TMEM108: variants seen among roughly 807,000 people sequenced by gnomAD.
TMEM108 encodes the protein transmembrane protein 108, also known as cancer/testis antigen 124.
Under a neutral mutation model 35.1 loss-of-function variants are expected in TMEM108, and 12 were observed. That is an observed-to-expected ratio of 0.34 (90% CI 0.22 to 0.55). The LOEUF is 0.55. Among genes scored for constraint, TMEM108 ranks in the 20% least tolerant of loss-of-function variants. The pLI is 0.89. For missense variants in TMEM108, 680 were observed against 753.3 expected (o/e 0.90, Z 1.14); for synonymous variants, 287 against 308.6 (o/e 0.93, Z 0.73).
chr3:133,076,442 C>A (rs184508900), intron 2 of TMEM108, among the ~76,000 whole-genome samples: 52 of 152,158 alleles, frequency 3.4e-4, no homozygotes, highest in Admixed American at 3.1e-3. Context: ...AAGCCCAAGT[C>A]GCTTACTGCT....
chr3:133,358,855 A>T (rs574817099), intron 3 of TMEM108, among the ~76,000 whole-genome samples: 1 of 152,216 alleles, frequency 6.6e-6, no homozygotes, highest in Non-Finnish European at 1.5e-5. Flanking sequence ...GTGGAGAAGG[A>T]TATGGGAGCA....
At chr3:133,203,756 C>CT (rs1304993585) in intron 2 of TMEM108, among the ~76,000 whole-genome samples, 10 of 152,078 alleles carry the variant, frequency 6.6e-5, no homozygotes, top group Admixed American at 5.9e-4. Flanking sequence ...CTGAAATGTT[C>CT]TTTTTTTGTT....
At position 133,058,528 on chromosome 3, in the gene TMEM108, C is replaced by T. The variant is rs566386302; in HGVS notation, c.-47+12508C>T. 9.2e-5 allele frequency among the ~76,000 whole-genome samples: 14 copies of T among 152,302 alleles called. No individual in the cohort carries two copies. In the South Asian group the frequency reaches 2.1e-3, roughly 23 times the overall value. On this transcript the variant is annotated intron_variant, in intron 2 of 5. Transcript: ENST00000321871. ...TCCTGTCTTTTGTTTGGCTGTGAGA[C>T]GTGGTTAAGCCCTTTGGCTACTCCC...
At chr3:133,145,782 A>G (rs988435337) in intron 2 of TMEM108, among the ~76,000 whole-genome samples, 1 of 152,170 alleles carries the variant, frequency 6.6e-6, no homozygotes, top group African/African-American at 2.4e-5. Context: ...TTATTGGTGT[A>G]TAGGAATGCT....
intron 2 of TMEM108, among the ~76,000 whole-genome samples, chr3:133,078,162 C>CTGTGTGTGTGT: frequency 3.3e-5 from 1 of 30,416 alleles, no homozygotes; most frequent in Admixed American, 3.4e-4. Flanking sequence ...TGTGTGTGCA[C>CTGTGTGTGTGT]GCGCGCGCGC....
At chr3:133,279,626 G>A (rs1021006764) in intron 3 of TMEM108, among the ~76,000 whole-genome samples, 1 of 152,190 alleles carries the variant, frequency 6.6e-6, no homozygotes, top group Non-Finnish European at 1.5e-5. Flanking sequence ...ATTCCCAGCA[G>A]CCATGTACCA....
At chr3:133,203,345 G>A (rs1945700220) in intron 2 of TMEM108, among the ~76,000 whole-genome samples, 1 of 152,300 alleles carries the variant, frequency 6.6e-6, no homozygotes, top group Middle Eastern at 3.4e-3. Context: ...CAGGAGTGGT[G>A]AGAGAGGGCA....
At chr3:133,363,206 C>A (rs2072406387) in intron 3 of TMEM108, among the ~76,000 whole-genome samples, 1 of 152,114 alleles carries the variant, frequency 6.6e-6, no homozygotes, top group African/African-American at 2.4e-5. Flanking sequence ...GTACCTCTTA[C>A]ACTTTGGTCA....
At chr3:133,365,125 C>T (rs1397498763) in intron 3 of TMEM108, among the ~76,000 whole-genome samples, 2 of 152,202 alleles carry the variant, frequency 1.3e-5, no homozygotes, top group East Asian at 1.9e-4. Context: ...AGAAGTTCAG[C>T]TGTGTGCTAT....
At chr3:133,254,630 G>C (rs1021698789) in intron 3 of TMEM108, among the ~76,000 whole-genome samples, 1 of 152,194 alleles carries the variant, frequency 6.6e-6, no homozygotes, top group Non-Finnish European at 1.5e-5. Context: ...AAAAAAAAGA[G>C]ATTGATGATT....
At chr3:133,151,517 T>A (rs184957232) in intron 2 of TMEM108, among the ~76,000 whole-genome samples, 3 of 152,246 alleles carry the variant, frequency 2.0e-5, no homozygotes, top group African/African-American at 7.2e-5. Context: ...TTTTATCTCT[T>A]ACATTCTGAG....
At chr3:133,353,069 A>G (rs765272324) in intron 3 of TMEM108, among the ~76,000 whole-genome samples, 1 of 152,140 alleles carries the variant, frequency 6.6e-6, no homozygotes, top group Non-Finnish European at 1.5e-5. Flanking sequence ...GAGACCAAAT[A>G]TATATTTCTT....
At chr3:133,375,233 A>T (rs1339647490) in intron 3 of TMEM108, among the ~76,000 whole-genome samples, 2 of 152,194 alleles carry the variant, frequency 1.3e-5, no homozygotes, top group African/African-American at 4.8e-5. Context: ...AACCAAATAA[A>T]CAGAAGGAGG....
intron 2 of TMEM108, among the ~76,000 whole-genome samples, chr3:133,071,582 A>G (rs770515170): frequency 4.6e-5 from 7 of 152,178 alleles, no homozygotes; most frequent in Admixed American, 6.6e-5. Context: ...CCTCACTTGC[A>G]TGATGATTTG....
At chr3:133,193,892 A>C (rs1945537413) in intron 2 of TMEM108, among the ~76,000 whole-genome samples, 1 of 152,006 alleles carries the variant, frequency 6.6e-6, no homozygotes, top group Non-Finnish European at 1.5e-5. Flanking sequence ...TTTAATTGTA[A>C]GGTTTAATGA....
At chr3:133,141,600 A>G (rs1348320494) in intron 2 of TMEM108, among the ~76,000 whole-genome samples, 1 of 152,198 alleles carries the variant, frequency 6.6e-6, no homozygotes, top group Non-Finnish European at 1.5e-5. Context: ...ATGTAACTGG[A>G]TGAAGTGTAA....
At chr3:133,298,672 C>G (rs1364839173) in intron 3 of TMEM108, among the ~76,000 whole-genome samples, 1 of 152,084 alleles carries the variant, frequency 6.6e-6, no homozygotes, top group East Asian at 1.9e-4. Flanking sequence ...GTTTCACACT[C>G]AACCATATTA....
chr3:133,229,727 C>T (rs1161651679), intron 3 of TMEM108, among the ~76,000 whole-genome samples: 2 of 152,162 alleles, frequency 1.3e-5, no homozygotes, highest in Non-Finnish European at 2.9e-5. Context: ...GGATGACCTG[C>T]TGTAGATTCC....
intron 3 of TMEM108, among the ~76,000 whole-genome samples, chr3:133,305,683 C>T (rs901280431): frequency 2.6e-5 from 4 of 152,020 alleles, no homozygotes; most frequent in African/African-American, 4.8e-5. Context: ...TCCAAAGTGG[C>T]TGTACCATTT....
Sources: allele counts gnomAD v4.1 joint callset (sites outside exome capture counted in the v4.1 genomes callset), GRCh38; gene constraint gnomAD v4.1.1; transcripts MANE v1.5; gene names NCBI Gene and HGNC (gene_info 2026-07-23, HGNC 2026-07-21).